The following LRRTM4 variants were observed in gnomAD, a reference collection of about 807,000 sequenced individuals.
LRRTM4 encodes the protein leucine rich repeat transmembrane neuronal 4.
A neutral mutation model predicts 47.6 loss-of-function variants in LRRTM4; 25 were observed. That is an observed-to-expected ratio of 0.53 (90% CI 0.38 to 0.73). The LOEUF (loss-of-function observed/expected upper bound fraction) is 0.73, where lower values mean the gene tolerates loss of function less well. Among genes scored for constraint, LRRTM4 ranks in the 30% least tolerant of loss-of-function variants. The pLI is 0.00. For synonymous variants in LRRTM4, 311 were observed against 269.5 expected (o/e 1.15, Z -1.51); for missense variants, 638 against 713.4 (o/e 0.89, Z 1.20).
intron 3 of LRRTM4, among the ~76,000 whole-genome samples, chr2:77,158,606 A>C (rs1203564776): frequency 6.6e-6 from 1 of 151,964 alleles, no homozygotes; most frequent in Non-Finnish European, 1.5e-5. Flanking sequence ...GCTGGACTAT[A>C]TTTTTCATAT....
chr2:77,436,537 A>G (rs1284212455), intron 3 of LRRTM4, among the ~76,000 whole-genome samples: 1 of 151,908 alleles, frequency 6.6e-6, no homozygotes, highest in Non-Finnish European at 1.5e-5. Flanking sequence ...TAAGTTTTGG[A>G]CCAATAGAAA....
intron 3 of LRRTM4, among the ~76,000 whole-genome samples, chr2:77,274,192 C>T (rs577216192): frequency 2.0e-5 from 3 of 152,058 alleles, no homozygotes; most frequent in African/African-American, 7.2e-5. Context: ...GGCAACCAGG[C>T]AAGATATTTG....
At chr2:76,943,200 A>C (rs964453314) in intron 3 of LRRTM4, among the ~76,000 whole-genome samples, 4 of 152,158 alleles carry the variant, frequency 2.6e-5, no homozygotes, top group African/African-American at 4.8e-5. Flanking sequence ...TCTTTCTGTG[A>C]TGGGTTCAGA....
intron 3 of LRRTM4, among the ~76,000 whole-genome samples, chr2:77,090,136 C>G (rs932052548): frequency 1.2e-4 from 19 of 152,150 alleles, no homozygotes; most frequent in African/African-American, 4.3e-4. Flanking sequence ...TTATCACCTC[C>G]CCTCCTCACA....
At chr2:77,483,402 A>T (rs1247841190) in intron 3 of LRRTM4, among the ~76,000 whole-genome samples, 1 of 151,976 alleles carries the variant, frequency 6.6e-6, no homozygotes, top group Admixed American at 6.6e-5. Context: ...GTGCAATGGT[A>T]TGATCTCTGC....
intron 3 of LRRTM4, among the ~76,000 whole-genome samples, chr2:77,193,760 A>G (rs2103884385): frequency 6.6e-6 from 1 of 152,336 alleles, no homozygotes; most frequent in South Asian, 2.1e-4. Flanking sequence ...CTGGGCAATA[A>G]GAGTGAAACT....
At chr2:77,232,101 G>T (rs1179354044) in intron 3 of LRRTM4, among the ~76,000 whole-genome samples, 1 of 152,026 alleles carries the variant, frequency 6.6e-6, no homozygotes, top group Admixed American at 6.6e-5. Context: ...TATCAAAAAA[G>T]TAGGTTCCAG....
intron 3 of LRRTM4, among the ~76,000 whole-genome samples, chr2:77,223,856 C>G (rs957719149): frequency 6.6e-6 from 1 of 152,152 alleles, no homozygotes; most frequent in African/African-American, 2.4e-5. Context: ...TTGGAAAAAA[C>G]TACTTCAAAG....
intron 3 of LRRTM4, among the ~76,000 whole-genome samples, chr2:76,944,608 A>G (rs1306533231): frequency 6.6e-6 from 1 of 152,120 alleles, no homozygotes; most frequent in African/African-American, 2.4e-5. Context: ...GTTCATCTAT[A>G]GAGAGAAATT....
chr2:76,885,453 A>G (rs1673043382), intron 3 of LRRTM4, among the ~76,000 whole-genome samples: 1 of 149,710 alleles, frequency 6.7e-6, no homozygotes, highest in Non-Finnish European at 1.5e-5. Flanking sequence ...AAGTTTTGAC[A>G]AAAACATGCT....
intron 3 of LRRTM4, among the ~76,000 whole-genome samples, chr2:77,502,067 C>T (rs1007792730): frequency 2.6e-5 from 4 of 151,128 alleles, no homozygotes; most frequent in Non-Finnish European, 5.9e-5. Context: ...CTGAAAATGT[C>T]GAAAACACTA....
chr2:77,009,441 T>A (rs1446102511), intron 3 of LRRTM4: 1 of 152,102 alleles, frequency 6.6e-6, no homozygotes, highest in Non-Finnish European at 1.5e-5. Flanking sequence ...GCAATATGAC[T>A]CATCCCTCTC....
intron 3 of LRRTM4, among the ~76,000 whole-genome samples, chr2:77,120,998 G>C (rs557749249): frequency 6.6e-6 from 1 of 151,756 alleles, no homozygotes. Flanking sequence ...GTAGATCTAC[G>C]TATCTGTGTA....
intron 3 of LRRTM4, among the ~76,000 whole-genome samples, chr2:76,966,892 G>A (rs1676044398): frequency 6.6e-6 from 1 of 151,242 alleles, no homozygotes; most frequent in South Asian, 2.1e-4. Flanking sequence ...TGCCTTCATT[G>A]TTCATCTGGG....
At chr2:77,329,629 T>C (rs1341524164) in intron 3 of LRRTM4, among the ~76,000 whole-genome samples, 2 of 152,128 alleles carry the variant, frequency 1.3e-5, no homozygotes, top group East Asian at 3.9e-4. Flanking sequence ...GCCCCTGGAC[T>C]GAAGGTGCTC....
At chr2:77,046,016 A>G (rs1222764845) in intron 3 of LRRTM4, among the ~76,000 whole-genome samples, 1 of 152,000 alleles carries the variant, frequency 6.6e-6, no homozygotes, top group Non-Finnish European at 1.5e-5. Context: ...TTAACTTGCT[A>G]GAGAAACCAA....
chr2:77,012,646 A>G (rs959770289), intron 3 of LRRTM4, among the ~76,000 whole-genome samples: 7 of 152,198 alleles, frequency 4.6e-5, no homozygotes, highest in Non-Finnish European at 1.0e-4. Context: ...TCAAATTATC[A>G]GGTTGAACCT....
At position 77,409,072 on chromosome 2, in the gene LRRTM4, TA is replaced by T. The variant is rs539285282; in HGVS notation, c.1551+109245del. On this transcript the variant is annotated intron_variant, in intron 3 of 3. Transcript: ENST00000409884. Reference sequence around the variant, plus strand: ...TCTTTTAATGAACATTGAATCCTGCTAAATGCGATTTTCATCACGATAGTTA... The same window carrying T: ...TCTTTTAATGAACATTGAATCCTGCTAATGCGATTTTCATCACGATAGTTA... 1.4e-4 allele frequency among the ~76,000 whole-genome samples: 22 copies of T among 152,306 alleles called. No individual in the cohort carries two copies. In the South Asian group the frequency reaches 4.3e-3, roughly 30 times the overall value.
chr2:76,808,002 T>C (rs1304009194), intron 3 of LRRTM4, among the ~76,000 whole-genome samples: 3 of 150,016 alleles, frequency 2.0e-5, no homozygotes, highest in South Asian at 4.2e-4. Context: ...TTTCTGTCTC[T>C]TTTCTCTCTC....
Sources: allele counts gnomAD v4.1 joint callset (sites outside exome capture counted in the v4.1 genomes callset), GRCh38; gene constraint gnomAD v4.1.1; transcripts MANE v1.5; gene names NCBI Gene and HGNC (gene_info 2026-07-23, HGNC 2026-07-21).